The following CASS4 variants were observed in gnomAD, a reference collection of about 807,000 sequenced individuals.
CASS4 encodes Cas scaffold protein family member 4.
CASS4 carries 22 observed loss-of-function variants against 54.2 expected under a neutral mutation model. The observed-to-expected ratio is 0.41, with a 90% CI of 0.29 to 0.58. The LOEUF is 0.58. Ranked by LOEUF, CASS4 falls within the 20% of genes least tolerant of loss-of-function variation. The pLI is 0.36. For missense variants in CASS4, 854 were observed against 986.7 expected, an observed-to-expected ratio of 0.87 and a Z score of 1.80; for synonymous variants, 409 against 391.5, an observed-to-expected ratio of 1.04 and a Z score of -0.53.
intron 2 of CASS4, among the ~76,000 whole-genome samples, chr20:56,442,788 C>T (rs1263612991): frequency 6.6e-6 from 1 of 151,830 alleles, no homozygotes; most frequent in Non-Finnish European, 1.5e-5. Flanking sequence ...CCACTAGTTC[C>T]TGAACTGGAG....
chr20:56,446,883 G>T (rs1000057196), intron 3 of CASS4, among the ~76,000 whole-genome samples: 4 of 152,090 alleles, frequency 2.6e-5, no homozygotes, highest in African/African-American at 9.7e-5. Context: ...TTTCAAGCAG[G>T]CTCTGTGACT....
rs529267086 is a variant in CASS4, at chr20:56,443,392, C to T, written c.460-2508C>T. 1.3e-4 allele frequency among the ~76,000 whole-genome samples: 19 copies of T among 148,546 alleles called. 1 individual carries two copies. The highest frequency in any genetic ancestry group is 2.1e-4 in the Non-Finnish European group (14 of 67,866). On this transcript the variant is annotated intron_variant, in intron 2 of 5. Transcript: ENST00000679887. The stretch of plus-strand genomic sequence containing the variant: ...GCTGAGGCAGGAGAATCGCTTGAAC[C>T]CGGGAGGTGGAGGTTGCAGTAAGCC...
chr20:56,412,051 C>T (rs1024765485), upstream of CASS4: 1 of 246,952 alleles, frequency 4.0e-6, no homozygotes, highest in Non-Finnish European at 8.0e-6. The surrounding 1 kb of genome is among the most constrained non-coding windows in gnomAD (Gnocchi z 4.2). Context: ...GTTCAAAGGA[C>T]AAGAATGCTG....
At chr20:56,440,863 C>G (rs1298821744) in intron 2 of CASS4, among the ~76,000 whole-genome samples, 1 of 152,120 alleles carries the variant, frequency 6.6e-6, no homozygotes, top group African/African-American at 2.4e-5. Flanking sequence ...GAGGTGGCCA[C>G]AGTAAAACCC....
intron 1 of CASS4, among the ~76,000 whole-genome samples, chr20:56,432,182 A>G (rs1305992846): frequency 6.6e-6 from 1 of 152,148 alleles, no homozygotes; most frequent in African/African-American, 2.4e-5. Flanking sequence ...TGCAAGGCTA[A>G]GTATGAAACT....
At position 56,437,497 on chromosome 20, in the gene CASS4, C is replaced by T; in HGVS notation, c.370C>T (p.Gln124Ter). 1 of 1,606,622 alleles carries T rather than the reference C, an allele frequency of 6.2e-7. No homozygotes were observed. The highest frequency in any genetic ancestry group is 2.2e-5 in the East Asian group (1 of 44,796). Reference protein sequence around the residue: ...EQMRSWAEGPQPPTAQVYEFP... With the variant: ...EQMRSWAEGP Reference sequence around the variant, plus strand: ...GATGAGGAGTTGGGCGGAGGGGCCCCAGCCCCCTACTGCCCAAGTCTATGA... The same window carrying T: ...GATGAGGAGTTGGGCGGAGGGGCCCTAGCCCCCTACTGCCCAAGTCTATGA... Residue 124 changes from glutamine (Q) to a stop codon, truncating the protein, a stop_gained, in exon 2 of 6, where the codon CAG becomes TAG. Transcript: ENST00000679887. LOFTEE classifies it high-confidence loss of function. The surrounding 1 kb of genome is among the most constrained non-coding windows in gnomAD (Gnocchi z 4.7).
chr20:56,420,568 T>C (rs1979363856), intron 1 of CASS4, among the ~76,000 whole-genome samples: 1 of 150,882 alleles, frequency 6.6e-6, no homozygotes, highest in Non-Finnish European at 1.5e-5. Flanking sequence ...TTTTTTTTTT[T>C]TTTTGTAGAG....
intron 2 of CASS4, among the ~76,000 whole-genome samples, chr20:56,441,924 C>G (rs771753476): frequency 7.2e-5 from 11 of 152,204 alleles, no homozygotes; most frequent in Non-Finnish European, 1.6e-4. Flanking sequence ...CAATCAGTTA[C>G]ACATTTTCTG....
rs764232851 is a variant in CASS4 at position 56,437,487 on chromosome 20, G to A, written c.360G>A (p.Ala120=). The A allele has an allele frequency of 1.0e-4, 165 of 1,610,678 alleles. 1 individual carries two copies. Among genetic ancestry groups the A allele is most frequent in the Non-Finnish European group, 1.3e-4 (151 of 1,178,402 alleles). The change falls in exon 2 of 6, where the codon GCG becomes GCA. Residue 120 remains alanine, a synonymous_variant. Coordinates refer to ENST00000679887, the MANE Select transcript of CASS4 (RefSeq NM_020356.4). This position sits in a 1 kb window ranked among gnomAD's most constrained non-coding sequence, Gnocchi z 4.7. Reference sequence around the variant, plus strand: ...TTTATGAGCAGATGAGGAGTTGGGCGGAGGGGCCCCAGCCCCCTACTGCCC... The same window carrying A: ...TTTATGAGCAGATGAGGAGTTGGGCAGAGGGGCCCCAGCCCCCTACTGCCC... The part of the protein sequence containing the change: ...GPVYEQMRSW[A]EGPQPPTAQV...
chr20:56,454,885 C>G (rs933040087), intron 5 of CASS4, among the ~76,000 whole-genome samples: 6 of 152,146 alleles, frequency 3.9e-5, no homozygotes, highest in Admixed American at 2.0e-4. Flanking sequence ...TTTATTTTAG[C>G]AAGAGAGTCC....
intron 1 of CASS4, among the ~76,000 whole-genome samples, chr20:56,431,752 C>A (rs949570570): frequency 6.6e-6 from 1 of 152,220 alleles, no homozygotes; most frequent in Non-Finnish European, 1.5e-5. Flanking sequence ...CATATTGCAA[C>A]AACTGCTCTG....
Position 56,452,781 on chromosome 20 carries a change from A to G in CASS4, c.1605A>G (p.Glu535=), listed in dbSNP as rs778992928. Reference sequence around the variant, plus strand: ...ACCGCATCCTGCTTGAAACAAAGGAAAGCTTGGATAATCGCAATTGGCCTC... The same window carrying G: ...ACCGCATCCTGCTTGAAACAAAGGAGAGCTTGGATAATCGCAATTGGCCTC... ...NSYRILLETK[E]SLDNRNWPLE... The change falls in exon 5 of 6, where the codon GAA becomes GAG. Residue 535 remains glutamate, a synonymous_variant. Transcript: ENST00000679887. 3 of 1,613,994 alleles carry G rather than the reference A, an allele frequency of 1.9e-6. No individual in the cohort carries two copies. Among genetic ancestry groups the G allele is most frequent in the Non-Finnish European group, 2.5e-6 (3 of 1,180,008 alleles).
chr20:56,438,956 C>G (rs962527018), intron 2 of CASS4, among the ~76,000 whole-genome samples: 8 of 152,292 alleles, frequency 5.3e-5, no homozygotes, highest in African/African-American at 1.9e-4. Context: ...AGAACATGCT[C>G]CAGGCATAGT....
chr20:56,438,898 T>C (rs1980324602), intron 2 of CASS4, among the ~76,000 whole-genome samples: 1 of 152,198 alleles, frequency 6.6e-6, no homozygotes. Context: ...AAAGGAATTC[T>C]GTATGTGAGT....
At chr20:56,439,053 G>A (rs946869288) in intron 2 of CASS4, among the ~76,000 whole-genome samples, 18 of 152,344 alleles carry the variant, frequency 1.2e-4, no homozygotes, top group African/African-American at 4.3e-4. Flanking sequence ...CTCAGCACGT[G>A]GGACCAGGCC....
At chr20:56,453,265 T>C in intron 5 of CASS4, 136 bp downstream of exon 5, 1 of 653,062 alleles carries the variant, frequency 1.5e-6, no homozygotes, top group Non-Finnish European at 2.6e-6. Flanking sequence ...GAAAATAAAA[T>C]TTATGAAAGT....
chr20:56,450,745 A>G lies in CASS4; in HGVS notation c.642+66A>G. The G allele has an allele frequency of 5.3e-6, 8 of 1,498,452 alleles. No individual in the cohort carries two copies. In the South Asian group the frequency reaches 8.0e-5, roughly 15 times the overall value. 92.8% of individuals were successfully genotyped at this position (1,498,452 alleles called of 1,614,324 possible). On this transcript the variant is annotated intron_variant, in intron 4 of 5. Transcript: ENST00000679887. Reference sequence around the variant, plus strand: ...ACAAAATCCTCTCAGAAATGTTATTAGCTTGGGGCCAGGCACGGTGGCTGA... The same window carrying G: ...ACAAAATCCTCTCAGAAATGTTATTGGCTTGGGGCCAGGCACGGTGGCTGA...
At chr20:56,419,463 C>G (rs1041572291) in intron 1 of CASS4, among the ~76,000 whole-genome samples, 2 of 152,040 alleles carry the variant, frequency 1.3e-5, no homozygotes, top group Non-Finnish European at 2.9e-5. Context: ...CCCACACCAC[C>G]CCCGCTCAGG....
chr20:56,455,568 T>A (rs1185844998), intron 5 of CASS4, among the ~76,000 whole-genome samples: 1 of 152,226 alleles, frequency 6.6e-6, no homozygotes, highest in Non-Finnish European at 1.5e-5. Flanking sequence ...TTGTTCAACA[T>A]TAAGTAGGCC....
Sources: gnomAD v4.1 joint callset for allele counts (sites outside exome capture counted in the v4.1 genomes callset) on GRCh38, gnomAD v4.1.1 for gene constraint, Gnocchi (gnomAD v3.1) non-coding constraint, MANE v1.5 for transcripts, NCBI Gene and HGNC (gene_info 2026-07-23, HGNC 2026-07-21) for gene names.